The following KCNIP4 variants were observed in gnomAD, a reference collection of about 807,000 sequenced individuals.
KCNIP4 encodes the protein potassium voltage-gated channel interacting protein 4, also known as Kv channel-interacting protein 4.
Under a neutral mutation model 34.0 loss-of-function variants are expected in KCNIP4, and 12 were observed. The observed-to-expected ratio is 0.35, with a 90% CI of 0.23 to 0.57. The LOEUF (loss-of-function observed/expected upper bound fraction) is 0.57, where lower values mean the gene tolerates loss of function less well. KCNIP4 is among the 20% of genes least tolerant of loss of function. The pLI is 0.83. For synonymous variants in KCNIP4, 124 were observed against 102.2 expected (o/e 1.21, Z -1.29); for missense variants, 238 against 311.7 (o/e 0.76, Z 1.78).
intron 2 of KCNIP4, among the ~76,000 whole-genome samples, chr4:20,870,126 A>T (rs917598385): frequency 6.6e-6 from 1 of 152,120 alleles, no homozygotes; most frequent in Non-Finnish European, 1.5e-5. Context: ...CTGTCCAAAG[A>T]CACAGAGTGA....
At chr4:21,869,398 T>C (rs1237033683) in intron 1 of KCNIP4, among the ~76,000 whole-genome samples, 1 of 152,118 alleles carries the variant, frequency 6.6e-6, no homozygotes. Context: ...CAAAACCGAA[T>C]CTAAATTGCA....
At chr4:21,592,619 C>T (rs1045692667) in intron 1 of KCNIP4, among the ~76,000 whole-genome samples, 4 of 152,072 alleles carry the variant, frequency 2.6e-5, no homozygotes, top group African/African-American at 9.7e-5. Flanking sequence ...CTCCTGAATC[C>T]AACCCCATGA....
intron 1 of KCNIP4, among the ~76,000 whole-genome samples, chr4:21,747,155 A>G (rs1361945478): frequency 6.6e-6 from 1 of 152,128 alleles, no homozygotes; most frequent in African/African-American, 2.4e-5. Context: ...GACATAAGTG[A>G]TACCTTCACT....
In KCNIP4 at chr4:20,777,041, G is replaced by A. The variant is rs548499189; in HGVS notation, c.289-18151C>T. Reference sequence around the variant, plus strand: ...CTCCATTATGATCATATTGGGAGGCGGGGTCTTTGGGAGGTGTGTTAGTTC... The same window carrying A: ...CTCCATTATGATCATATTGGGAGGCAGGGTCTTTGGGAGGTGTGTTAGTTC... On this transcript the variant is annotated intron_variant, in intron 3 of 8. Coordinates refer to ENST00000382152, the MANE Select transcript of KCNIP4 (RefSeq NM_025221.6). 7.8e-4 allele frequency among the ~76,000 whole-genome samples: 118 copies of A among 152,190 alleles called. 1 individual carries two copies. The highest frequency in any genetic ancestry group is 1.5e-3 in the Non-Finnish European group (100 of 68,004).
At chr4:21,861,656 CAAAAAAAAAA>C (rs59277001) in intron 1 of KCNIP4, among the ~76,000 whole-genome samples, 7 of 101,320 alleles carry the variant, frequency 6.9e-5, no homozygotes, top group Non-Finnish European at 1.3e-4. Context: ...GACTCCGTCT[CAAAAAAAAAA>C]AAAAAAAAAA....
chr4:21,948,081 A>G (rs1485254494), intron 1 of KCNIP4, among the ~76,000 whole-genome samples: 2 of 152,262 alleles, frequency 1.3e-5, no homozygotes, highest in Non-Finnish European at 2.9e-5. Context: ...CTGCTTTAGA[A>G]TCTGACATGG....
chr4:20,901,428 GC>G (rs970173607), intron 1 of KCNIP4, among the ~76,000 whole-genome samples: 33 of 152,248 alleles, frequency 2.2e-4, no homozygotes, highest in African/African-American at 7.7e-4. Flanking sequence ...ATCAGAATTT[GC>G]ATTTAATAAG....
At chr4:21,524,218 C>T (rs1735782862) in intron 1 of KCNIP4, among the ~76,000 whole-genome samples, 1 of 130,864 alleles carries the variant, frequency 7.6e-6, no homozygotes, top group Non-Finnish European at 1.6e-5. Context: ...TGCTCCAGCC[C>T]TTCTTATGGA....
At chr4:21,606,620 G>A (rs1743702163) in intron 1 of KCNIP4, among the ~76,000 whole-genome samples, 1 of 152,072 alleles carries the variant, frequency 6.6e-6, no homozygotes, top group Non-Finnish European at 1.5e-5. Context: ...TTGAGACAGA[G>A]TCTTGCTCTG....
intron 1 of KCNIP4, among the ~76,000 whole-genome samples, chr4:21,266,298 A>C (rs1761804129): frequency 6.6e-6 from 1 of 152,164 alleles, no homozygotes; most frequent in African/African-American, 2.4e-5. Flanking sequence ...TCATTTTTGC[A>C]CAAATTATCC....
intron 1 of KCNIP4, among the ~76,000 whole-genome samples, chr4:21,403,237 G>T (rs745617706): frequency 6.6e-6 from 1 of 152,096 alleles, no homozygotes; most frequent in Non-Finnish European, 1.5e-5. Flanking sequence ...ATCCTGGAAG[G>T]CCCCAAGGGC....
intron 1 of KCNIP4, among the ~76,000 whole-genome samples, chr4:21,733,506 G>A (rs966229589): frequency 2.6e-5 from 4 of 152,122 alleles, no homozygotes; most frequent in South Asian, 4.1e-4. Context: ...ACAGATGTTC[G>A]AAACTATAGT....
intron 1 of KCNIP4, among the ~76,000 whole-genome samples, chr4:21,817,493 G>C (rs934947451): frequency 6.6e-6 from 1 of 152,168 alleles, no homozygotes; most frequent in South Asian, 2.1e-4. Flanking sequence ...ACAACCATAA[G>C]GGTGACTGCC....
rs1225585401 is a variant in KCNIP4, at chr4:21,851,181, G to C, written c.61+97390C>G. Reference sequence around the variant, plus strand: ...AGAGCCACAGGCATTAGTGCAGGGAGGGAGGAGAGGAGAGGGGTTAAGCTA... The same window carrying C: ...AGAGCCACAGGCATTAGTGCAGGGACGGAGGAGAGGAGAGGGGTTAAGCTA... On this transcript the variant is annotated intron_variant, in intron 1 of 8. Coordinates refer to ENST00000382152, the MANE Select transcript of KCNIP4 (RefSeq NM_025221.6). 3 of 152,122 alleles carry C rather than the reference G, an allele frequency of 2.0e-5. No individual in the cohort carries two copies. In the East Asian group the frequency reaches 5.8e-4, roughly 29 times the overall value. The allele number at this position is 152,122 out of a possible 1,614,324, so 9.4% of individuals were successfully genotyped here. A position where few individuals can be genotyped will look rare whatever the true frequency, so the allele number is the denominator to read the frequency against.
intron 1 of KCNIP4, among the ~76,000 whole-genome samples, chr4:21,443,581 T>C (rs150894169): frequency 4.4e-4 from 67 of 152,232 alleles, no homozygotes; most frequent in African/African-American, 1.5e-3. Flanking sequence ...CAGAAGGAAT[T>C]CTCCTCAAGA....
At chr4:20,819,477 G>C (rs35335925) in intron 3 of KCNIP4, among the ~76,000 whole-genome samples, 41,787 of 151,924 alleles carry the variant, frequency 0.28, 5,922 homozygotes, top group South Asian at 0.35. Context: ...GGGCAGGGGG[G>C]ATTTCGGAGC....
At chr4:21,657,049 G>A (rs561644086) in intron 1 of KCNIP4, among the ~76,000 whole-genome samples, 1 of 152,214 alleles carries the variant, frequency 6.6e-6, no homozygotes, top group East Asian at 1.9e-4. Flanking sequence ...CATTCAGGAA[G>A]CCTTCCCTGA....
At chr4:21,581,917 T>C (rs193243381) in intron 1 of KCNIP4, among the ~76,000 whole-genome samples, 42 of 151,688 alleles carry the variant, frequency 2.8e-4, no homozygotes, top group African/African-American at 9.4e-4. Flanking sequence ...AATTTAATGA[T>C]GAGTCGAGAC....
At chr4:20,940,728 C>A (rs1013385845) in intron 1 of KCNIP4, among the ~76,000 whole-genome samples, 2 of 152,176 alleles carry the variant, frequency 1.3e-5, no homozygotes, top group African/African-American at 4.8e-5. Flanking sequence ...CAGGCTACAA[C>A]TATTGATCCA....
Sources: allele counts gnomAD v4.1 joint callset (sites outside exome capture counted in the v4.1 genomes callset), GRCh38; gene constraint gnomAD v4.1.1; transcripts MANE v1.5; gene names NCBI Gene and HGNC (gene_info 2026-07-23, HGNC 2026-07-21).